DECR2: variants seen among roughly 807,000 people sequenced by gnomAD.
The protein encoded by DECR2 is 2,4-dienoyl-CoA reductase 2, also known as peroxisomal 2,4-dienoyl-CoA reductase [(3E)-enoyl-CoA-producing].
Under a neutral mutation model 29.2 loss-of-function variants are expected in DECR2, and 34 were observed. The ratio of observed to expected loss-of-function variants is 1.16; its 90% confidence interval spans 0.89 to 1.55. The LOEUF is 1.55. DECR2 is among the 40% of genes most tolerant of loss of function. The probability of loss-of-function intolerance (pLI) is 0.00; values close to 1 mark genes in which losing one functional copy is unlikely to be tolerated. For missense variants in DECR2, 485 were observed against 425.3 expected, an observed-to-expected ratio of 1.14 and a Z score of -1.23; for synonymous variants, 224 against 182.7, an observed-to-expected ratio of 1.23 and a Z score of -1.82.
chr16:411,113 C>T, intron 7 of DECR2, 37 bp downstream of exon 7: 3 of 1,464,992 alleles, frequency 2.0e-6, no homozygotes, highest in Non-Finnish European at 2.7e-6. Flanking sequence ...CCCACAGATC[C>T]TCTCCTGGGG....
chr16:411,005 G>C lies in DECR2; in HGVS notation c.590G>C (p.Gly197Ala). ...AMTRHLAVEWGPQNIRVNSLA... is the reference protein window; with the variant it reads ...AMTRHLAVEWAPQNIRVNSLA... ...ACGCGGCACTTGGCTGTGGAGTGGGGTCCCCAAAACATCCGCGTCAACAGC... is the reference window on the plus strand; with the variant it reads ...ACGCGGCACTTGGCTGTGGAGTGGGCTCCCCAAAACATCCGCGTCAACAGC... The change falls in exon 7 of 9, where the codon GGT becomes GCT. Residue 197 changes from glycine to alanine, a missense_variant. Transcript: ENST00000219481. The C allele has an allele frequency of 6.2e-7, 1 of 1,604,306 alleles. No individual in the cohort carries two copies.
chr16:410,130 C>T lies in DECR2; in HGVS notation c.338-113C>T, dbSNP rs2054793064. On this transcript the variant is annotated intron_variant, in intron 4 of 8. Transcript: ENST00000219481. The surrounding 1 kb of genome is among the most constrained non-coding windows in gnomAD (Gnocchi z 4.1). ...CTAGGGCATGGGTCTCCTCCCTGTG[C>T]CACAGGGCACCTGGGCTCCCTCCTG... 1.4e-6 allele frequency: 2 copies of T among 1,451,926 alleles called. No homozygotes were observed. Among genetic ancestry groups the T allele is most frequent in the South Asian group, 2.6e-5 (2 of 75,966 alleles). The allele number at this position is 1,451,926 out of a possible 1,614,324, so 89.9% of individuals were successfully genotyped here.
At position 410,847 on chromosome 16, in the gene DECR2, A is replaced by G; in HGVS notation, c.556+63A>G. On this transcript the variant is annotated intron_variant, in intron 6 of 8. Transcript: ENST00000219481. The surrounding 1 kb of genome is among the most constrained non-coding windows in gnomAD (Gnocchi z 4.1). ...GGTCCCCAATGGGCCGTCTGCTTCCATCCCAGGAGGCCAGCAGTCTCCACT... is the reference window on the plus strand; with the variant it reads ...GGTCCCCAATGGGCCGTCTGCTTCCGTCCCAGGAGGCCAGCAGTCTCCACT... 6.6e-7 allele frequency: 1 copy of G among 1,511,006 alleles called. No individual in the cohort carries two copies. Among genetic ancestry groups the G allele is most frequent in the African/African-American group, 1.4e-5 (1 of 69,360 alleles). 93.6% of individuals were successfully genotyped at this position (1,511,006 alleles called of 1,614,324 possible).
chr16:411,643 G>A, intron 8 of DECR2, 65 bp downstream of exon 8: 1 of 1,531,472 alleles, frequency 6.5e-7, no homozygotes, highest in Non-Finnish European at 8.9e-7. Context: ...TGCATGGGCA[G>A]GTCTCTGCGG....
intron 2 of DECR2, 186 bp downstream of exon 2, chr16:405,210 T>C: frequency 1.5e-6 from 1 of 676,010 alleles, no homozygotes; most frequent in South Asian, 1.9e-5. Context: ...AGTCAGGACT[T>C]CAAGGCCCCT....
chr16:402,750 G>A (rs1035153290), intron 1 of DECR2, among the ~76,000 whole-genome samples: 7 of 151,750 alleles, frequency 4.6e-5, no homozygotes, highest in East Asian at 2.0e-4. Flanking sequence ...TTGGGAGGCC[G>A]AAGCGGGTAG....
At chr16:404,505 G>A (rs146023708) in intron 1 of DECR2, among the ~76,000 whole-genome samples, 262 of 152,184 alleles carry the variant, frequency 1.7e-3, no homozygotes, top group African/African-American at 5.9e-3. Context: ...CTCCTAAAGT[G>A]CTGTGATTAG....
chr16:408,603 G>C (rs911361972), intron 4 of DECR2, among the ~76,000 whole-genome samples: 3 of 151,234 alleles, frequency 2.0e-5, no homozygotes, highest in African/African-American at 7.3e-5. Flanking sequence ...CACCTTCTGG[G>C]CTCAAGCCAT....
intron 4 of DECR2, chr16:409,503 T>C (rs1181745652): frequency 1.3e-5 from 2 of 152,100 alleles, no homozygotes; most frequent in Non-Finnish European, 2.9e-5. Context: ...TTTAGGTTTA[T>C]AGAATAATTA....
At chr16:409,433 G>C (rs8063730) in intron 4 of DECR2, among the ~76,000 whole-genome samples, 5,700 of 150,406 alleles carry the variant, frequency 0.038, 405 homozygotes, top group African/African-American at 0.13. Context: ...GCCTCCCAAA[G>C]TGCTGGGATT....
rs1567340280 is a variant in DECR2, at chr16:407,490, G to GC, written c.272dup (p.Ala92SerfsTer21). Reference sequence around the variant, plus strand: ...TCCCTCTCTCTATGGACGTCCGAGCGCCCCCAGCTGTCATGGCCGCCGTGG... The same window carrying GC: ...TCCCTCTCTCTATGGACGTCCGAGCGCCCCCCAGCTGTCATGGCCGCCGTGG... On this transcript the variant is annotated frameshift_variant, in exon 4 of 9. Coordinates refer to ENST00000219481, the MANE Select transcript of DECR2 (RefSeq NM_020664.4). LOFTEE classifies it high-confidence loss of function. The GC allele has an allele frequency of 6.2e-7, 1 of 1,613,708 alleles. No homozygotes were observed. The highest frequency in any genetic ancestry group is 1.3e-5 in the African/African-American group (1 of 74,926).
At position 402,632 on chromosome 16, in the gene DECR2, C is replaced by CT. The variant is rs553651376; in HGVS notation, c.80+601dup. On this transcript the variant is annotated intron_variant, in intron 1 of 8. Coordinates refer to ENST00000219481, the MANE Select transcript of DECR2 (RefSeq NM_020664.4). ...CCCTCACTCGGCTAATGGGCGGATC[C>CT]TTTTTTTTTTTTCCTTTTCTTTTTT... Among the ~76,000 whole-genome samples the CT allele has an allele frequency of 9.2e-3, 1,323 of 144,446 alleles. 12 individuals are homozygous for CT. Among genetic ancestry groups the CT allele is most frequent in the African/African-American group, 0.026 (1,011 of 39,588 alleles). The allele number at this position is 144,446 out of a possible 152,430, so 94.8% of individuals were successfully genotyped here.
At chr16:411,780 G>A (rs556903042) in intron 8 of DECR2, 110 bp from the exon 9 acceptor site, 88 of 538,420 alleles carry the variant, frequency 1.6e-4, no homozygotes, top group African/African-American at 1.2e-3. Context: ...CTTCTGTAGC[G>A]GCCTCGGCCT....
Position 406,396 on chromosome 16 carries a change from C to A in DECR2, c.200C>A (p.Thr67Lys). The A allele has an allele frequency of 1.2e-6, 2 of 1,607,708 alleles. No homozygotes were observed. Among genetic ancestry groups the A allele is most frequent in the Non-Finnish European group, 1.7e-6 (2 of 1,179,872 alleles). ...IASRSLPRVL[T>K]AARKLAGATG... ...AGTAGGAGCCTGCCGCGAGTGCTGA[C>A]GGTGAGAGGGCCTCTCCCATGGTCC... The change falls in exon 3 of 9, where the codon ACG (threonine) becomes AAG (lysine). Residue 67 changes from threonine (T) to lysine (K), a missense_variant and splice_region_variant. Coordinates refer to ENST00000219481, the MANE Select transcript of DECR2 (RefSeq NM_020664.4).
chr16:410,071 C>T lies in DECR2; in HGVS notation c.338-172C>T, dbSNP rs545179100. On this transcript the variant is annotated intron_variant, in intron 4 of 8. Transcript: ENST00000219481. This position sits in a 1 kb window ranked among gnomAD's most constrained non-coding sequence, Gnocchi z 4.1. ...TCTCGGGGACACAGTGCAGCCAGGA[C>T]GCCCGTCTTGCTCTGGTCATTTTGG... 1.2e-3 allele frequency: 1,110 copies of T among 892,886 alleles called. 1 individual carries two copies. Among genetic ancestry groups the T allele is most frequent in the Non-Finnish European group, 1.7e-3 (1,057 of 607,436 alleles). 55.3% of individuals were successfully genotyped at this position (892,886 alleles called of 1,614,324 possible). A position where few individuals can be genotyped will look rare whatever the true frequency, so the allele number is the denominator to read the frequency against.
chr16:404,045 T>TAC (rs1434483507), intron 1 of DECR2, among the ~76,000 whole-genome samples: 5 of 151,236 alleles, frequency 3.3e-5, no homozygotes, highest in Non-Finnish European at 7.4e-5. Context: ...TGGTGGCAGG[T>TAC]GCCTGTAGTC....
In DECR2 at chr16:410,460, CTGTGAGAAGTTCTTCCGGGTGGGTGTA is replaced by C. The variant is rs2054799645; in HGVS notation, c.462+94_462+120del. The C allele has an allele frequency of 6.4e-7, 1 of 1,568,716 alleles. No homozygotes were observed. Among genetic ancestry groups the C allele is most frequent in the African/African-American group, 1.4e-5 (1 of 71,654 alleles). On this transcript the variant is annotated intron_variant, in intron 5 of 8. Coordinates refer to ENST00000219481, the MANE Select transcript of DECR2 (RefSeq NM_020664.4). The surrounding 1 kb of genome is among the most constrained non-coding windows in gnomAD (Gnocchi z 4.1). ...CTTCCGGGTGGGTGCCTTGTGCGCT[CTGTGAGAAGTTCTTCCGGGTGGGTGTA>C]CTCCCAGCGGGGGCCTCCCCCTGAC...
chr16:407,710 C>A, intron 4 of DECR2, 150 bp downstream of exon 4: 1 of 1,299,364 alleles, frequency 7.7e-7, no homozygotes, highest in South Asian at 1.5e-5. Context: ...GTACCTGAGG[C>A]CAAGACTCAG....
In DECR2 at chr16:402,539, C is replaced by T. The variant is rs969155249; in HGVS notation, c.80+496C>T. Reference sequence around the variant, plus strand: ...GTTTTGCCCAGCAGCTCTTCATTTTCCTGCAAACGCCTTGGTGTTCACAAG... The same window carrying T: ...GTTTTGCCCAGCAGCTCTTCATTTTTCTGCAAACGCCTTGGTGTTCACAAG... On this transcript the variant is annotated intron_variant, in intron 1 of 8. Coordinates refer to ENST00000219481, the MANE Select transcript of DECR2 (RefSeq NM_020664.4). Among the ~76,000 whole-genome samples, 6 of 152,300 alleles carry T rather than the reference C, an allele frequency of 3.9e-5. No homozygotes were observed. The South Asian group carries it at 1.2e-3, about 32-fold the overall frequency.
Sources: allele counts gnomAD v4.1 joint callset (sites outside exome capture counted in the v4.1 genomes callset), GRCh38; gene constraint gnomAD v4.1.1; non-coding constraint Gnocchi (gnomAD v3.1); transcripts MANE v1.5; gene names NCBI Gene and HGNC (gene_info 2026-07-23, HGNC 2026-07-21).